Variants in METTL2B observed in about 807,000 individuals in gnomAD.
METTL2B encodes tRNA N(3)-cytidine methyltransferase METTL2B.
Under a neutral mutation model 51.0 loss-of-function variants are expected in METTL2B, and 28 were observed. That is an observed-to-expected ratio of 0.55 (90% CI 0.41 to 0.75). The LOEUF is 0.75. Ranked by LOEUF, METTL2B falls within the 30% of genes least tolerant of loss-of-function variation. METTL2B has a pLI of 0.00. For synonymous variants in METTL2B, 128 were observed against 166.3 expected, an observed-to-expected ratio of 0.77 and a Z score of 1.77; for missense variants, 313 against 460.7, an observed-to-expected ratio of 0.68 and a Z score of 2.93.
intron 7 of METTL2B, among the ~76,000 whole-genome samples, chr7:128,499,700 T>C (rs1192741158): frequency 2.0e-5 from 3 of 148,922 alleles, no homozygotes; most frequent in African/African-American, 7.4e-5. Flanking sequence ...TTTGTATTTT[T>C]AGTAGAGACA....
chr7:128,492,028 G>A (rs1016539273), intron 5 of METTL2B, among the ~76,000 whole-genome samples: 1 of 152,106 alleles, frequency 6.6e-6, no homozygotes, highest in Non-Finnish European at 1.5e-5. Flanking sequence ...TTTTGAGACA[G>A]GGTCTCAGTC....
intron 2 of METTL2B, among the ~76,000 whole-genome samples, chr7:128,478,683 G>A (rs1350522314): frequency 6.7e-6 from 1 of 149,256 alleles, no homozygotes; most frequent in East Asian, 2.0e-4. Flanking sequence ...GGCTAACACG[G>A]TGAAACCCCG....
At chr7:128,482,446 G>A (rs1415654753) in intron 4 of METTL2B, among the ~76,000 whole-genome samples, 5 of 151,446 alleles carry the variant, frequency 3.3e-5, no homozygotes, top group East Asian at 2.0e-4. Context: ...GAGCCGCCGC[G>A]CCCAGCCTGC....
intron 8 of METTL2B, 137 bp from the exon 9 acceptor site, chr7:128,501,625 C>G: frequency 4.0e-6 from 6 of 1,484,776 alleles, no homozygotes; most frequent in Non-Finnish European, 3.6e-6. Flanking sequence ...ACCAAGCCAC[C>G]ACTGCATTTA....
intron 4 of METTL2B, among the ~76,000 whole-genome samples, chr7:128,481,722 AG>A (rs1195659461): frequency 5.9e-5 from 9 of 152,206 alleles, no homozygotes; most frequent in African/African-American, 9.7e-5. Context: ...AGCACACTGC[AG>A]GCTCAAACTC....
chr7:128,477,506 A>G (rs4090996), intron 2 of METTL2B, among the ~76,000 whole-genome samples: 1 of 152,098 alleles, frequency 6.6e-6, no homozygotes, highest in African/African-American at 2.4e-5. Flanking sequence ...TACTTTTTAC[A>G]TGATTTGCAT....
chr7:128,486,649 G>A (rs1364179353), intron 4 of METTL2B, among the ~76,000 whole-genome samples: 1 of 151,998 alleles, frequency 6.6e-6, no homozygotes, highest in Non-Finnish European at 1.5e-5. Context: ...CGCTTGCCAG[G>A]CGCGGTGGCT....
chr7:128,501,371 G>C (rs750433866), intron 8 of METTL2B: 97 of 985,304 alleles, frequency 9.8e-5, no homozygotes, highest in Non-Finnish European at 1.2e-4. Context: ...CCATCCACAG[G>C]CTTCATCCTT....
chr7:128,485,882 G>T (rs1236641084), intron 4 of METTL2B, among the ~76,000 whole-genome samples: 2 of 152,170 alleles, frequency 1.3e-5, no homozygotes, highest in African/African-American at 4.8e-5. Flanking sequence ...CGTTATAGAT[G>T]ATTTAATGTA....
chr7:128,481,755 A>C (rs1799875676), intron 4 of METTL2B, among the ~76,000 whole-genome samples: 1 of 152,046 alleles, frequency 6.6e-6, no homozygotes, highest in South Asian at 2.1e-4. Flanking sequence ...CAATCGTCTC[A>C]CCTCAGCCTC....
intron 1 of METTL2B, 71 bp from the exon 2 acceptor site, chr7:128,477,011 C>G: frequency 6.6e-7 from 1 of 1,508,346 alleles, no homozygotes; most frequent in Non-Finnish European, 9.0e-7. Context: ...GAGAGAAACT[C>G]CTAGGCCAGC....
chr7:128,492,515 C>T (rs1438286241), intron 5 of METTL2B, among the ~76,000 whole-genome samples: 2 of 152,156 alleles, frequency 1.3e-5, no homozygotes, highest in Non-Finnish European at 2.9e-5. Context: ...CTCCTGGGCT[C>T]AAGTGATCCT....
rs192231828 is a variant in METTL2B at position 128,493,581 on chromosome 7, C to T, written c.670-223C>T. Among the ~76,000 whole-genome samples, 14 of 152,228 alleles carry T rather than the reference C, an allele frequency of 9.2e-5. No homozygotes were observed. The East Asian group carries it at 2.7e-3, about 29-fold the overall frequency. ...TATATAATGATTAGAAATATATCCC[C>T]TACTCTGGAGGGTGAGGCAAGTGAT... On this transcript the variant is annotated intron_variant, in intron 5 of 8. Coordinates refer to ENST00000262432, the MANE Select transcript of METTL2B (RefSeq NM_018396.3).
chr7:128,491,290 C>G (rs577992794), intron 5 of METTL2B, among the ~76,000 whole-genome samples: 72 of 151,856 alleles, frequency 4.7e-4, no homozygotes, highest in African/African-American at 1.7e-3. Flanking sequence ...AACCCTGTCT[C>G]TACTTTAAAA....
chr7:128,482,987 T>C (rs2116844925), intron 4 of METTL2B: 1 of 152,356 alleles, frequency 6.6e-6, no homozygotes, highest in Non-Finnish European at 1.5e-5. Flanking sequence ...TTAGCCTCAT[T>C]ACTAATATAC....
In METTL2B at chr7:128,502,104, T is replaced by C; in HGVS notation, c.*188T>C. The C allele has an allele frequency of 1.4e-6, 1 of 691,620 alleles. No homozygotes were observed. The highest frequency in any genetic ancestry group is 2.3e-6 in the Non-Finnish European group (1 of 440,102). The allele number at this position is 691,620 out of a possible 1,614,324, so 42.8% of individuals were successfully genotyped here. On this transcript the variant is annotated 3_prime_UTR_variant, in exon 9 of 9. Transcript: ENST00000262432. ...CGAGAGACCCTGAATCTGAAAGTAA[T>C]GATAAAATAAAAAGAATATAAATGA...
At chr7:128,478,280 C>T (rs1799828119) in intron 2 of METTL2B, among the ~76,000 whole-genome samples, 1 of 148,882 alleles carries the variant, frequency 6.7e-6, no homozygotes, top group Non-Finnish European at 1.5e-5. Context: ...GAGGCGGAGT[C>T]TCGCTCTGTC....
At chr7:128,498,695 A>G (rs1283384752) in intron 7 of METTL2B, among the ~76,000 whole-genome samples, 1 of 152,070 alleles carries the variant, frequency 6.6e-6, no homozygotes, top group Non-Finnish European at 1.5e-5. Context: ...AAGAGCTTTT[A>G]TTAGAAAGAC....
At position 128,476,799 on chromosome 7, in the gene METTL2B, A is replaced by G. The variant is rs751924382; in HGVS notation, c.34A>G (p.Ile12Val). The G allele has an allele frequency of 6.2e-7, 1 of 1,614,118 alleles. No homozygotes were observed. The highest frequency in any genetic ancestry group is 8.5e-7 in the Non-Finnish European group (1 of 1,180,022). Residue 12 changes from isoleucine (I) to valine (V), a missense_variant, in exon 1 of 9, where the codon ATC becomes GTC. By Grantham distance (29) the Ile-to-Val change is conservative. Around this residue, in one of 4 missense-constraint regions of METTL2B, gnomAD observed 66 missense variants for 58.2 expected, o/e 1.13. Coordinates refer to ENST00000262432, the MANE Select transcript of METTL2B (RefSeq NM_018396.3). ...CTCCTACCCTGAAGGTGCACCTGCA[A>G]TCCTCGCCGATAAGAGGCAGCAGTT... ...AGSYPEGAPA[I>V]LADKRQQFGS...
Sources: gnomAD v4.1 joint callset for allele counts (sites outside exome capture counted in the v4.1 genomes callset) on GRCh38, gnomAD v4.1.1 for gene constraint, gnomAD v4.1.1 regional missense constraint, MANE v1.5 for transcripts, NCBI Gene and HGNC (gene_info 2026-07-23, HGNC 2026-07-21) for gene names.